Variants in KIAA1217 observed in about 807,000 individuals in gnomAD.
The protein encoded by KIAA1217 is KIAA1217.
In KIAA1217, 88 loss-of-function variants were observed where a neutral mutation model predicts 163.9. That is an observed-to-expected ratio of 0.54 (90% confidence interval 0.45 to 0.64). The LOEUF is 0.64. Among genes scored for constraint, KIAA1217 ranks in the 30% least tolerant of loss-of-function variants. The pLI, the probability that KIAA1217 is intolerant of heterozygous loss-of-function variation, is 0.00. For synonymous variants in KIAA1217, 903 were observed against 923.1 expected, an observed-to-expected ratio of 0.98 and a Z score of 0.39; for missense variants, 2,372 against 2,475.0, an observed-to-expected ratio of 0.96 and a Z score of 0.88.
At chr10:24,308,594 C>A (rs2042268196) in intron 2 of KIAA1217, among the ~76,000 whole-genome samples, 1 of 152,154 alleles carries the variant, frequency 6.6e-6, no homozygotes, top group South Asian at 2.1e-4. Context: ...CTTTTGTTCT[C>A]TTTAAAGGAA....
At chr10:24,451,087 A>G (rs1032466333) in intron 5 of KIAA1217, among the ~76,000 whole-genome samples, 3 of 152,230 alleles carry the variant, frequency 2.0e-5, no homozygotes, top group African/African-American at 7.2e-5. Context: ...AACAGTGAAC[A>G]TCAGAGAGTG....
chr10:24,212,661 C>T (rs1409225443), intron 1 of KIAA1217, among the ~76,000 whole-genome samples: 5 of 152,208 alleles, frequency 3.3e-5, no homozygotes, highest in Non-Finnish European at 5.9e-5. Flanking sequence ...CCGGTGAGCA[C>T]GAGTGCCGCA....
Position 24,543,734 on chromosome 10 carries a change from TGG to T in KIAA1217, c.4467_4468del (p.Asp1490PhefsTer6). The T allele has an allele frequency of 6.2e-7, 1 of 1,613,490 alleles. No individual in the cohort carries two copies. The highest frequency in any genetic ancestry group is 8.5e-7 in the Non-Finnish European group (1 of 1,179,808). On this transcript the variant is annotated frameshift_variant, in exon 19 of 21. Transcript: ENST00000376454. LOFTEE classifies it high-confidence loss of function. ...TAGAGGAGGAGGAAGAGGAGGAAAA[TGG>T]GGATTCTGTAGTCCAGAATAATAAC... is the stretch of plus-strand genomic sequence containing the variant. ...KIEEEEEEEN[G>X]DSVVQNNNTS...
intron 1 of KIAA1217, among the ~76,000 whole-genome samples, chr10:23,785,801 A>G (rs1426752779): frequency 2.0e-5 from 3 of 152,144 alleles, no homozygotes; most frequent in Non-Finnish European, 4.4e-5. Context: ...GAATAAATTA[A>G]AGGAAGTAAG....
intron 2 of KIAA1217, among the ~76,000 whole-genome samples, chr10:24,103,820 C>G (rs1316354684): frequency 6.6e-6 from 1 of 152,172 alleles, no homozygotes; most frequent in Non-Finnish European, 1.5e-5. Context: ...TCAAGACTTA[C>G]TTTCAAGCAA....
intron 11 of KIAA1217, among the ~76,000 whole-genome samples, chr10:24,520,862 A>G (rs2071127319): frequency 6.8e-6 from 1 of 147,462 alleles, no homozygotes; most frequent in Admixed American, 6.8e-5. Context: ...TCCAAAAAAT[A>G]AAAATAAAAA....
At chr10:24,182,351 G>A (rs908873023) in intron 2 of KIAA1217, among the ~76,000 whole-genome samples, 30 of 151,966 alleles carry the variant, frequency 2.0e-4, no homozygotes, top group Non-Finnish European at 3.7e-4. Flanking sequence ...CAGGAGTATC[G>A]CTTGAACCCG....
chr10:23,771,486 G>C (rs1834791068), intron 1 of KIAA1217, among the ~76,000 whole-genome samples: 1 of 152,208 alleles, frequency 6.6e-6, no homozygotes, highest in South Asian at 2.1e-4. Flanking sequence ...ATACTGGTAA[G>C]TCTTGATGCT....
intron 1 of KIAA1217, among the ~76,000 whole-genome samples, chr10:23,828,401 G>T (rs1472316077): frequency 6.6e-6 from 1 of 152,060 alleles, no homozygotes; most frequent in African/African-American, 2.4e-5. Context: ...GAGAGGGTGG[G>T]CATGGGAGTT....
chr10:23,788,752 A>G (rs990791489), intron 1 of KIAA1217, among the ~76,000 whole-genome samples: 2 of 152,204 alleles, frequency 1.3e-5, no homozygotes, highest in Non-Finnish European at 2.9e-5. Flanking sequence ...AGGCAGCTCT[A>G]TCTGTAGGGG....
At chr10:24,112,242 A>C (rs1321710044) in intron 2 of KIAA1217, among the ~76,000 whole-genome samples, 1 of 152,198 alleles carries the variant, frequency 6.6e-6, no homozygotes, top group Non-Finnish European at 1.5e-5. Context: ...GACAAAAGAA[A>C]ATGCAACTAG....
intron 1 of KIAA1217, among the ~76,000 whole-genome samples, chr10:23,928,004 A>C (rs1327392442): frequency 6.6e-6 from 1 of 152,250 alleles, no homozygotes; most frequent in Non-Finnish European, 1.5e-5. Flanking sequence ...TCCACCCAGC[A>C]GACCAGCATC....
At chr10:23,738,616 G>GTT (rs5783859) in intron 1 of KIAA1217, among the ~76,000 whole-genome samples, 6,974 of 151,054 alleles carry the variant, frequency 0.046, 494 homozygotes, top group African/African-American at 0.15. Flanking sequence ...CTTTAGAAAT[G>GTT]TTTTTTTTTC....
intron 2 of KIAA1217, among the ~76,000 whole-genome samples, chr10:24,264,765 T>TTCTCTCTCTCTCTC (rs55761615): frequency 6.0e-4 from 79 of 131,918 alleles, no homozygotes; most frequent in Middle Eastern, 3.9e-3. Context: ...CGGTCGGTCT[T>TTCTCTCTCTCTCTC]TCTCTCTCTC....
intron 2 of KIAA1217, among the ~76,000 whole-genome samples, chr10:24,162,873 T>C (rs1276974184): frequency 6.6e-6 from 1 of 152,226 alleles, no homozygotes; most frequent in Non-Finnish European, 1.5e-5. Flanking sequence ...TCTCACTTCC[T>C]TGCTATGTGG....
At chr10:23,876,112 GAA>G (rs749573633) in intron 1 of KIAA1217, among the ~76,000 whole-genome samples, 4 of 149,488 alleles carry the variant, frequency 2.7e-5, no homozygotes, top group Non-Finnish European at 4.5e-5. Context: ...AAAAAAAAAA[GAA>G]AATGAGACAT....
chr10:23,935,307 G>T (rs1843478596), intron 1 of KIAA1217, among the ~76,000 whole-genome samples: 1 of 152,158 alleles, frequency 6.6e-6, no homozygotes, highest in Non-Finnish European at 1.5e-5. Context: ...AGGTCAATAA[G>T]AATGGACATG....
At chr10:24,252,659 A>G (rs1417716869) in intron 2 of KIAA1217, among the ~76,000 whole-genome samples, 2 of 152,218 alleles carry the variant, frequency 1.3e-5, no homozygotes, top group Non-Finnish European at 2.9e-5. Context: ...ATAACCATTC[A>G]TTCATTCATT....
At position 23,711,888 on chromosome 10, in the gene KIAA1217, T is replaced by A. The variant is rs1837281515; in HGVS notation, c.-321+16654T>A. The stretch of plus-strand genomic sequence containing the variant: ...CCCTTGAAGGATGGGAAACGAAGCC[T>A]GATATGATCACTTTCAGGAAATCTA... On this transcript the variant is annotated intron_variant, in intron 1 of 18. Coordinates refer to the KIAA1217 transcript ENST00000376462. Among the ~76,000 whole-genome samples the A allele has an allele frequency of 2.0e-5, 3 of 152,264 alleles. 1 individual carries two copies. The highest frequency in any genetic ancestry group is 2.0e-4 in the Admixed American group (3 of 15,280).
Sources: allele counts gnomAD v4.1 joint callset (sites outside exome capture counted in the v4.1 genomes callset), GRCh38; gene constraint gnomAD v4.1.1; transcripts MANE v1.5; gene names NCBI Gene and HGNC (gene_info 2026-07-23, HGNC 2026-07-21).